CROCC: variants seen among roughly 807,000 people sequenced by gnomAD.
CROCC encodes ciliary rootlet coiled-coil, rootletin.
Under a neutral mutation model 245.2 loss-of-function variants are expected in CROCC, and 180 were observed. That is an observed-to-expected ratio of 0.73 (90% CI 0.65 to 0.83). The LOEUF is 0.83. Ranked by LOEUF, CROCC falls within the 40% of genes least tolerant of loss-of-function variation. The pLI is 0.00. For synonymous variants in CROCC, 1,205 were observed against 1,241.6 expected (o/e 0.97, Z 0.62); for missense variants, 2,688 against 2,779.4 (o/e 0.97, Z 0.74).
chr1:16,954,187 C>T lies in CROCC; in HGVS notation c.3187-36C>T. ...CCTGAGCATGCCCCCAGGACCAGCC[C>T]ATCCCCCAAGCCCTTTGTCCCCTGC... On this transcript the variant is annotated intron_variant, in intron 21 of 36. Coordinates refer to ENST00000375541, the MANE Select transcript of CROCC (RefSeq NM_014675.5). The surrounding 1 kb of genome is among the most constrained non-coding windows in gnomAD (Gnocchi z 4.4). 1.3e-6 allele frequency: 2 copies of T among 1,586,282 alleles called. No individual in the cohort carries two copies. The highest frequency in any genetic ancestry group is 1.7e-6 in the Non-Finnish European group (2 of 1,161,654).
At chr1:16,927,379 A>G (rs1331212007) in intron 3 of CROCC, among the ~76,000 whole-genome samples, 3 of 152,248 alleles carry the variant, frequency 2.0e-5, no homozygotes, top group Non-Finnish European at 4.4e-5. Context: ...ATCGGCCCAC[A>G]AAGGTATGCC....
In CROCC at chr1:16,948,468, G is replaced by T. The variant is rs746700577; in HGVS notation, c.2652G>T (p.Gln884His). 35 of 1,557,546 alleles carry T rather than the reference G, an allele frequency of 2.2e-5. No homozygotes were observed. Among genetic ancestry groups the T allele is most frequent in the Non-Finnish European group, 3.0e-5 (34 of 1,152,384 alleles). The change falls in exon 18 of 37, where the codon CAG (glutamine) becomes CAT (histidine). Residue 884 changes from glutamine (Q) to histidine (H), a missense_variant. Gln to His is a conservative substitution (Grantham distance 24, BLOSUM62 0). Transcript: ENST00000375541. The stretch of plus-strand genomic sequence containing the variant: ...AGGAGCACGCTGGCCTGGCTGTGCA[G>T]CTGGTGGCTGCGGAGCGTGAAGGCA... Reference protein sequence around the residue: ...LAKEHAGLAVQLVAAEREGRT... With the variant: ...LAKEHAGLAVHLVAAEREGRT...
In CROCC at chr1:16,969,890, C is replaced by T. The variant is rs1046345910; in HGVS notation, c.5407C>T (p.Leu1803=). The change falls in exon 33 of 37, where the codon CTG becomes TTG. Residue 1803 remains leucine (L), a synonymous_variant. Coordinates refer to ENST00000375541, the MANE Select transcript of CROCC (RefSeq NM_014675.5). The part of the protein sequence containing the change: ...TLRGEVADLE[L]QRVEAEGQLQ... ...GCGAGGCGAGGTGGCTGACCTGGAA[C>T]TGCAGCGGGTGGAGGCCGAGGGCCA... 1.2e-6 allele frequency: 2 copies of T among 1,610,402 alleles called. No homozygotes were observed. The highest frequency in any genetic ancestry group is 1.7e-6 in the Non-Finnish European group (2 of 1,178,244).
At chr1:16,955,919 T>C (rs2076243241) in intron 24 of CROCC, 78 bp from the exon 25 acceptor site, 10 of 1,511,508 alleles carry the variant, frequency 6.6e-6, no homozygotes, top group East Asian at 2.5e-5. Flanking sequence ...ACTCCAGAAA[T>C]TGGAGGAGAC....
At chr1:16,956,351 G>C (rs1301666475) in intron 25 of CROCC, among the ~76,000 whole-genome samples, 195 bp downstream of exon 25, 1 of 152,212 alleles carries the variant, frequency 6.6e-6, no homozygotes, top group Non-Finnish European at 1.5e-5. Flanking sequence ...GCAAAAGTCT[G>C]CGTGCATTTG....
Position 16,953,359 on chromosome 1 carries a change from C to T in CROCC, c.3064C>T (p.Arg1022Cys), listed in dbSNP as rs1249559227. 6.2e-7 allele frequency: 1 copy of T among 1,608,320 alleles called. No homozygotes were observed. Among genetic ancestry groups the T allele is most frequent in the East Asian group, 2.2e-5 (1 of 44,774 alleles). ...ERAQLQSQLQ[R>C]EQEELLARLE... ...GGCCCAGCTGCAGAGTCAGCTGCAG[C>T]GTGAGCAGGAGGAGCTGCTGGCCCG... Residue 1022 changes from arginine to cysteine, a missense_variant, in exon 21 of 37, where the codon CGT (arginine) becomes TGT (cysteine). Arg to Cys is a radical substitution (Grantham distance 180). Coordinates refer to ENST00000375541, the MANE Select transcript of CROCC (RefSeq NM_014675.5).
Position 16,971,532 on chromosome 1 carries a change from A to T in CROCC, c.5852A>T (p.Gln1951Leu), listed in dbSNP as rs1202370689. Residue 1951 changes from glutamine to leucine, a missense_variant, in exon 36 of 37, where the codon CAG (glutamine) becomes CTG (leucine). Physicochemically the swap from Gln to Leu is moderately radical, Grantham distance 113. Coordinates refer to ENST00000375541, the MANE Select transcript of CROCC (RefSeq NM_014675.5). ...CTGGAGGTGGATGCGCAGCAGCAGCAGCTGGAGCTGCAGCAGGAGGTGGAG... is the reference window on the plus strand; with the variant it reads ...CTGGAGGTGGATGCGCAGCAGCAGCTGCTGGAGCTGCAGCAGGAGGTGGAG... ...AQLEVDAQQQQLELQQEVERL... is the reference protein window; with the variant it reads ...AQLEVDAQQQLLELQQEVERL... 4 of 1,536,862 alleles carry T rather than the reference A, an allele frequency of 2.6e-6. No homozygotes were observed. The African/African-American group carries it at 5.5e-5, about 21-fold the overall frequency.
At chr1:16,916,889 G>A (rs1207598853) in intron 1 of CROCC, among the ~76,000 whole-genome samples, 7 of 152,396 alleles carry the variant, frequency 4.6e-5, no homozygotes, top group South Asian at 2.1e-4. Flanking sequence ...AGGCCGAGGC[G>A]GGTAGATCAC....
In CROCC at chr1:16,953,446, G is replaced by C. The variant is rs781754347; in HGVS notation, c.3151G>C (p.Glu1051Gln). 26 of 1,609,678 alleles carry C rather than the reference G, an allele frequency of 1.6e-5. No individual in the cohort carries two copies. The highest frequency in any genetic ancestry group is 2.7e-5 in the African/African-American group (2 of 74,876). ...EIAALQQERD[E>Q]GLLLAESEKQ... Reference sequence around the variant, plus strand: ...TGCTGCCCTGCAGCAGGAGCGCGACGAGGGCCTCCTCCTAGCAGAGAGTGA... The same window carrying C: ...TGCTGCCCTGCAGCAGGAGCGCGACCAGGGCCTCCTCCTAGCAGAGAGTGA... The change falls in exon 21 of 37, where the codon GAG (glutamate) becomes CAG (glutamine). Residue 1051 changes from glutamate to glutamine, a missense_variant. Glu to Gln is a conservative substitution (Grantham distance 29). This residue lies in a region of CROCC where 106 missense variants were observed against 126.1 expected (regional missense o/e 0.84). Coordinates refer to ENST00000375541, the MANE Select transcript of CROCC (RefSeq NM_014675.5).
At chr1:16,956,527 G>A (rs916866841) in intron 25 of CROCC, among the ~76,000 whole-genome samples, 57 of 152,076 alleles carry the variant, frequency 3.7e-4, no homozygotes, top group African/African-American at 1.4e-3. Flanking sequence ...CCAGCTTTAC[G>A]GGCCACACAG....
chr1:16,914,853 A>G (rs1338236619), intron 1 of CROCC, among the ~76,000 whole-genome samples: 2 of 152,276 alleles, frequency 1.3e-5, no homozygotes, highest in Non-Finnish European at 2.9e-5. Context: ...AAGACGATTG[A>G]CTGGGGAATG....
At chr1:16,956,822 C>T (rs1433241803) in intron 25 of CROCC, among the ~76,000 whole-genome samples, 1 of 152,196 alleles carries the variant, frequency 6.6e-6, no homozygotes, top group Middle Eastern at 3.4e-3. Flanking sequence ...CCCGTGAATT[C>T]GATGATCTGC....
chr1:16,925,194 G>A (rs1424852352), intron 3 of CROCC, among the ~76,000 whole-genome samples: 2 of 152,270 alleles, frequency 1.3e-5, no homozygotes, highest in Admixed American at 6.5e-5. Flanking sequence ...AGGGACACTC[G>A]CAGCTGGGAC....
rs2075862519 is a variant in CROCC at position 16,939,150 on chromosome 1, GGGGCTTGA to G, written c.1608+10_1608+17del. 1 of 1,474,730 alleles carries G rather than the reference GGGGCTTGA, an allele frequency of 6.8e-7. No homozygotes were observed. The highest frequency in any genetic ancestry group is 8.9e-7 in the Non-Finnish European group (1 of 1,123,022). 91.4% of individuals were successfully genotyped at this position (1,474,730 alleles called of 1,614,324 possible). A position where few individuals can be genotyped will look rare whatever the true frequency, so the allele number is the denominator to read the frequency against. ...CGCCAGCTGCAGGTCCAGGTAGGAA[GGGGCTTGA>G]GCGTTCTGGGCGCAGCCAGAGGCCT... On this transcript the variant is annotated intron_variant, in intron 12 of 36. Coordinates refer to ENST00000375541, the MANE Select transcript of CROCC (RefSeq NM_014675.5).
intron 3 of CROCC, among the ~76,000 whole-genome samples, chr1:16,928,652 A>T (rs1158942953): frequency 6.6e-6 from 1 of 151,826 alleles, no homozygotes; most frequent in Non-Finnish European, 1.5e-5. Flanking sequence ...AAATACAAAA[A>T]ATTAGCCAGG....
At chr1:16,949,309 C>T (rs1570668940) in intron 19 of CROCC, among the ~76,000 whole-genome samples, 1 of 152,304 alleles carries the variant, frequency 6.6e-6, no homozygotes, top group East Asian at 1.9e-4. Context: ...ATCCCAGCCC[C>T]ACTTCCCTGC....
At chr1:16,961,154 G>T in intron 27 of CROCC, 24 bp downstream of exon 27, 6 of 1,295,626 alleles carry the variant, frequency 4.6e-6, no homozygotes, top group South Asian at 2.1e-5. Context: ...CGCGCGCAGG[G>T]AAGGGGGGAG....
Position 16,944,254 on chromosome 1 carries a change from G to C in CROCC, c.1963G>C (p.Ala655Pro). 6.5e-7 allele frequency: 1 copy of C among 1,548,072 alleles called. No homozygotes were observed. The highest frequency in any genetic ancestry group is 8.7e-7 in the Non-Finnish European group (1 of 1,145,548). Residue 655 changes from alanine (A) to proline (P), a missense_variant, in exon 14 of 37, where the codon GCG becomes CCG. Coordinates refer to ENST00000375541, the MANE Select transcript of CROCC (RefSeq NM_014675.5). ...EEQEDAVQDG[A>P]RVRRELERSH... ...GCAGGAGGACGCAGTGCAGGATGGC[G>C]CGCGGGTGCGCCGGGAGCTTGAGCG... is the stretch of plus-strand genomic sequence containing the variant.
rs750025351 is a variant in CROCC at position 16,970,643 on chromosome 1, G to A, written c.5660G>A (p.Arg1887Gln). Reference sequence around the variant, plus strand: ...TGTGGCTCTCCTGCCTAGGTGGAGCGGGAGAAGCTTCGTAGCCATGAGGAC... The same window carrying A: ...TGTGGCTCTCCTGCCTAGGTGGAGCAGGAGAAGCTTCGTAGCCATGAGGAC... The part of the protein sequence containing the change: ...ALRRTLDKVE[R>Q]EKLRSHEDTV... Residue 1887 changes from arginine (R) to glutamine (Q), a missense_variant, in exon 35 of 37, where the codon CGG becomes CAG. Arg to Gln is a conservative substitution (Grantham distance 43). Around this residue, in one of 9 missense-constraint regions of CROCC, gnomAD observed 1,218 missense variants for 1,286.3 expected, o/e 0.95. Transcript: ENST00000375541. 216 of 1,551,032 alleles carry A rather than the reference G, an allele frequency of 1.4e-4. No homozygotes were observed. Among genetic ancestry groups the A allele is most frequent in the Middle Eastern group, 1.8e-4 (1 of 5,714 alleles).
Sources: allele counts gnomAD v4.1 joint callset (sites outside exome capture counted in the v4.1 genomes callset), GRCh38; gene constraint gnomAD v4.1.1; regional missense constraint gnomAD v4.1.1; non-coding constraint Gnocchi (gnomAD v3.1); transcripts MANE v1.5; gene names NCBI Gene and HGNC (gene_info 2026-07-23, HGNC 2026-07-21).